Variants in THRB observed in about 807,000 individuals in gnomAD.
THRB encodes the protein thyroid hormone receptor beta.
Under a neutral mutation model 47.8 loss-of-function variants are expected in THRB, and 12 were observed. That is an observed-to-expected ratio of 0.25 (90% CI 0.16 to 0.41). THRB has a LOEUF of 0.41. Among genes scored for constraint, THRB ranks in the 10% least tolerant of loss-of-function variants. The pLI, the probability that THRB is intolerant of heterozygous loss-of-function variation, is 1.00. For missense variants in THRB, 348 were observed against 589.2 expected, an observed-to-expected ratio of 0.59 and a Z score of 4.24; for synonymous variants, 218 against 212.2, an observed-to-expected ratio of 1.03 and a Z score of -0.24.
chr3:24,265,322 A>G (rs1342554584), intron 3 of THRB, among the ~76,000 whole-genome samples: 1 of 152,230 alleles, frequency 6.6e-6, no homozygotes, highest in Admixed American at 6.5e-5. Flanking sequence ...AAAAAGCCAA[A>G]GGGCACTGAT....
At chr3:24,162,139 T>C (rs1434961723) in intron 5 of THRB, among the ~76,000 whole-genome samples, 1 of 150,878 alleles carries the variant, frequency 6.6e-6, no homozygotes, top group African/African-American at 2.4e-5. Context: ...GTATTTGTGA[T>C]GGAAACAGCT....
intron 1 of THRB, among the ~76,000 whole-genome samples, chr3:24,450,466 G>A (rs1167785004): frequency 6.6e-6 from 1 of 152,118 alleles, no homozygotes; most frequent in Non-Finnish European, 1.5e-5. Flanking sequence ...CTCCATTTGT[G>A]CATTTATGAA....
intron 1 of THRB, among the ~76,000 whole-genome samples, chr3:24,453,253 T>C (rs1300840238): frequency 6.6e-6 from 1 of 152,252 alleles, no homozygotes; most frequent in African/African-American, 2.4e-5. Flanking sequence ...GTGATGCATA[T>C]ACAGCATTAT....
At position 24,143,495 on chromosome 3, in the gene THRB, C is replaced by G. The variant is rs1394192621; in HGVS notation, c.738+6G>C. ...AGTGAAACTGATCTGTGCAAGGAAG[C>G]CTTACCAGGAATTTCCGTTTTTGCT... is the stretch of plus-strand genomic sequence containing the variant. On this transcript the variant is annotated splice_donor_region_variant and intron_variant, in intron 8 of 10. Transcript: ENST00000646209. 1 of 1,614,048 alleles carries G rather than the reference C, an allele frequency of 6.2e-7. No individual in the cohort carries two copies.
chr3:24,300,680 C>G (rs945029255), intron 2 of THRB, among the ~76,000 whole-genome samples: 7 of 152,304 alleles, frequency 4.6e-5, no homozygotes, highest in African/African-American at 1.7e-4. Context: ...CTTCATCTAA[C>G]TGCAGTGGTG....
intron 5 of THRB, among the ~76,000 whole-genome samples, chr3:24,176,518 C>T (rs1390837581): frequency 1.3e-5 from 2 of 152,160 alleles, no homozygotes; most frequent in African/African-American, 4.8e-5. Context: ...AAAATTTAGA[C>T]TATGCCACAG....
chr3:24,375,327 ATATAT>A (rs1462958955), intron 1 of THRB, among the ~76,000 whole-genome samples: 2 of 146,562 alleles, frequency 1.4e-5, no homozygotes, highest in African/African-American at 5.0e-5. Context: ...ATATTTAGAC[ATATAT>A]TATTATATTT....
At chr3:24,448,986 G>A (rs748008230) in intron 1 of THRB, among the ~76,000 whole-genome samples, 2 of 152,184 alleles carry the variant, frequency 1.3e-5, no homozygotes, top group Admixed American at 6.5e-5. Context: ...AAGGACAGAT[G>A]TAAGACAGAA....
chr3:24,457,526 C>A (rs111723913), intron 1 of THRB, among the ~76,000 whole-genome samples: 49 of 152,254 alleles, frequency 3.2e-4, no homozygotes, highest in African/African-American at 1.1e-3. Context: ...TTTTCATCAG[C>A]TGACCAAAAA....
intron 4 of THRB, among the ~76,000 whole-genome samples, chr3:24,219,916 T>A (rs548355202): frequency 2.7e-4 from 41 of 152,332 alleles, no homozygotes; most frequent in African/African-American, 9.9e-4. Flanking sequence ...TAACACCAGA[T>A]GCGTAGCGGA....
At chr3:24,158,618 C>T (rs547950805) in intron 5 of THRB, among the ~76,000 whole-genome samples, 2 of 152,038 alleles carry the variant, frequency 1.3e-5, no homozygotes, top group South Asian at 2.1e-4. Flanking sequence ...TTAGTAGAGA[C>T]GGGGTTTTGT....
rs1489850939 is a variant in THRB, at chr3:24,190,528, G to A, written c.23-194C>T. On this transcript the variant is annotated intron_variant, in intron 4 of 10. Coordinates refer to ENST00000646209, the MANE Select transcript of THRB (RefSeq NM_001354712.2). The stretch of plus-strand genomic sequence containing the variant: ...GCCACTGCAGTTGGGTTGCCTGTCG[G>A]AGTAATCAACACATTCCCCCTTATT... 2.6e-5 allele frequency among the ~76,000 whole-genome samples: 4 copies of A among 152,186 alleles called. No homozygotes were observed. The South Asian group carries it at 8.3e-4, about 32-fold the overall frequency.
chr3:24,487,348 A>G (rs1259491453), intron 1 of THRB, among the ~76,000 whole-genome samples: 1 of 142,464 alleles, frequency 7.0e-6, no homozygotes, highest in East Asian at 1.9e-4. Context: ...ACACAAGCAC[A>G]CACACACACA....
chr3:24,470,844 T>C (rs9310743), intron 1 of THRB, among the ~76,000 whole-genome samples: 3,074 of 152,286 alleles, frequency 0.02, 89 homozygotes, highest in African/African-American at 0.069. Context: ...CTCGAACTCC[T>C]GACCTCAAGT....
intron 3 of THRB, among the ~76,000 whole-genome samples, chr3:24,249,540 T>C (rs2050445485): frequency 6.6e-6 from 1 of 152,170 alleles, no homozygotes; most frequent in Admixed American, 6.5e-5. Flanking sequence ...CAAGGGCTGC[T>C]TACCTCTAAC....
chr3:24,328,167 T>C (rs1004273776), intron 2 of THRB, among the ~76,000 whole-genome samples: 1 of 152,308 alleles, frequency 6.6e-6, no homozygotes, highest in East Asian at 1.9e-4. Context: ...TCTTCTACAA[T>C]GCTAATGGAA....
In THRB at chr3:24,120,002, C is replaced by T. The variant is rs79270057; in HGVS notation, c.*2882G>A. ...CGTCTCCCTGCCGAGGGGGTGGGAG[C>T]GCAGGTGTGAAGGGTATCTCCATCA... On this transcript the variant is annotated 3_prime_UTR_variant, in exon 11 of 11. Transcript: ENST00000646209. 19,262 of 152,044 alleles carry T rather than the reference C, an allele frequency of 0.13. 1,372 individuals are homozygous for T. The highest frequency in any genetic ancestry group is 0.21 in the South Asian group (1,015 of 4,798). The allele number at this position is 152,044 out of a possible 1,614,324, so 9.4% of individuals were successfully genotyped here. A position where few individuals can be genotyped will look rare whatever the true frequency, so the allele number is the denominator to read the frequency against.
At chr3:24,338,963 C>T (rs574243036) in intron 1 of THRB, among the ~76,000 whole-genome samples, 9 of 152,242 alleles carry the variant, frequency 5.9e-5, no homozygotes, top group African/African-American at 1.7e-4. Context: ...TGATAATGTG[C>T]GGCTGAAGAC....
chr3:24,277,227 A>G (rs1045535429), intron 3 of THRB, among the ~76,000 whole-genome samples: 2 of 152,118 alleles, frequency 1.3e-5, no homozygotes, highest in African/African-American at 4.8e-5. Context: ...ATGTCTGGAG[A>G]TATTTTTTAT....
Sources: gnomAD v4.1 joint callset for allele counts (sites outside exome capture counted in the v4.1 genomes callset) on GRCh38, gnomAD v4.1.1 for gene constraint, MANE v1.5 for transcripts, NCBI Gene and HGNC (gene_info 2026-07-23, HGNC 2026-07-21) for gene names.